Variants in BUB1B observed in about 807,000 individuals in gnomAD.
BUB1B encodes the protein mitotic checkpoint serine/threonine-protein kinase BUB1 beta.
In BUB1B, 86 loss-of-function variants were observed where a neutral mutation model predicts 137.7. The ratio of observed to expected loss-of-function variants is 0.62; its 90% confidence interval spans 0.52 to 0.75. BUB1B has a LOEUF of 0.75. Among genes scored for constraint, BUB1B ranks in the 30% least tolerant of loss-of-function variants. The pLI is 0.00. For missense variants in BUB1B, 1,130 were observed against 1,236.9 expected (o/e 0.91, Z 1.30); for synonymous variants, 420 against 417.9 (o/e 1.00, Z -0.06).
In BUB1B at chr15:40,170,568, C is replaced by G. The variant is rs765985399; in HGVS notation, c.271C>G (p.Gln91Glu). Residue 91 changes from glutamine (Q) to glutamate (E), a missense_variant, in exon 4 of 23, where the codon CAA (glutamine) becomes GAA (glutamate). Transcript: ENST00000287598. ...CAGCTGGACAGAGCAGAACTATCCT[C>G]AAGGTGGGAAGGAGAGTAATATGTC... is the stretch of plus-strand genomic sequence containing the variant. ...YISWTEQNYP[Q>E]GGKESNMSTL... is the part of the protein sequence containing the mutation. 2.5e-6 allele frequency: 4 copies of G among 1,613,510 alleles called. No homozygotes were observed. The Admixed American group carries it at 6.7e-5, about 27-fold the overall frequency.
At chr15:40,197,562 T>C (rs2037513481) in intron 9 of BUB1B, among the ~76,000 whole-genome samples, 1 of 152,204 alleles carries the variant, frequency 6.6e-6, no homozygotes, top group Non-Finnish European at 1.5e-5. Flanking sequence ...AATGTTTCTT[T>C]TATACATCCG....
intron 5 of BUB1B, 125 bp from the exon 6 acceptor site, chr15:40,183,589 T>G: frequency 1.2e-6 from 1 of 840,536 alleles, no homozygotes; most frequent in Middle Eastern, 2.6e-4. Flanking sequence ...AACATGTTCT[T>G]TGGGATATTT....
intron 5 of BUB1B, among the ~76,000 whole-genome samples, chr15:40,182,433 C>T (rs1287884522): frequency 6.6e-6 from 1 of 152,218 alleles, no homozygotes; most frequent in Non-Finnish European, 1.5e-5. Context: ...TAGACAACCA[C>T]ACTTCAGATA....
chr15:40,186,727 G>A (rs1032433563), intron 8 of BUB1B, among the ~76,000 whole-genome samples: 1 of 151,460 alleles, frequency 6.6e-6, no homozygotes, highest in Admixed American at 6.6e-5. Flanking sequence ...TTACAGGCGT[G>A]AGCCACTGCG....
In BUB1B at chr15:40,204,893, G is replaced by A. The variant is rs1300181297; in HGVS notation, c.1735-1291G>A. On this transcript the variant is annotated intron_variant, in intron 14 of 22. Transcript: ENST00000287598. ...TCAAGTGATCTTCCCACCTCAGCCT[G>A]CCTCCCAAAGTGTTGGGATTACAGG... 9.3e-5 allele frequency among the ~76,000 whole-genome samples: 14 copies of A among 150,262 alleles called. No homozygotes were observed. In the East Asian group the frequency reaches 2.7e-3, roughly 29 times the overall value.
At chr15:40,165,695 A>G (rs1045242517) in intron 2 of BUB1B, among the ~76,000 whole-genome samples, 1 of 152,182 alleles carries the variant, frequency 6.6e-6, no homozygotes, top group Non-Finnish European at 1.5e-5. Flanking sequence ...TCCTTTAACT[A>G]ATACATGTTT....
In BUB1B at chr15:40,183,882, G is replaced by A. The variant is rs1440328650; in HGVS notation, c.750G>A (p.Lys250=). The part of the protein sequence containing the change: ...APIIRVGGAL[K]APSQNRGLQN... Reference sequence around the variant, plus strand: ...TCATCCGTGTAGGAGGTGCTCTCAAGGGTAAGTTTGTTAAACGTTATTTCG... The same window carrying A: ...TCATCCGTGTAGGAGGTGCTCTCAAAGGTAAGTTTGTTAAACGTTATTTCG... Residue 250 remains lysine, a splice_region_variant and synonymous_variant, in exon 6 of 23, where the codon AAG becomes AAA. Transcript: ENST00000287598. 3 of 1,613,888 alleles carry A rather than the reference G, an allele frequency of 1.9e-6. No individual in the cohort carries two copies. Among genetic ancestry groups the A allele is most frequent in the East Asian group, 4.5e-5 (2 of 44,870 alleles).
At chr15:40,202,274 G>A (rs1037370328) in intron 12 of BUB1B, 131 bp from the exon 13 acceptor site, 5 of 753,430 alleles carry the variant, frequency 6.6e-6, no homozygotes, top group African/African-American at 5.3e-5. Context: ...TATGTTTGAA[G>A]CTTTTTGTTA....
chr15:40,174,918 C>G (rs573034398), intron 4 of BUB1B, among the ~76,000 whole-genome samples: 1 of 152,108 alleles, frequency 6.6e-6, no homozygotes, highest in African/African-American at 2.4e-5. Flanking sequence ...GAGGCGAGAT[C>G]GCGCCGCTGC....
intron 14 of BUB1B, among the ~76,000 whole-genome samples, chr15:40,203,466 G>T (rs1324588104): frequency 6.6e-6 from 1 of 152,132 alleles, no homozygotes; most frequent in East Asian, 1.9e-4. Context: ...AGATAGTGAT[G>T]ATGGTTGTAC....
rs1375386073 is a variant in BUB1B at position 40,207,216 on chromosome 15, AT to A, written c.2009+759del. Among the ~76,000 whole-genome samples the A allele has an allele frequency of 2.2e-4, 33 of 152,342 alleles. 1 individual carries two copies. The highest frequency in any genetic ancestry group is 7.9e-4 in the African/African-American group (33 of 41,592). The stretch of plus-strand genomic sequence containing the variant: ...TGGAATAGATATGAGGGAATGGCTT[AT>A]GGCCAGGGTCTGACACTTGTTTTAG... On this transcript the variant is annotated intron_variant, in intron 15 of 22. Coordinates refer to ENST00000287598, the MANE Select transcript of BUB1B (RefSeq NM_001211.6).
intron 16 of BUB1B, 29 bp downstream of exon 16, chr15:40,208,799 C>T (rs1024983037): frequency 1.3e-6 from 2 of 1,586,936 alleles, no homozygotes; most frequent in Non-Finnish European, 1.7e-6. Context: ...TATATCCATG[C>T]CTAGTGAACA....
chr15:40,171,233 A>T (rs1242761149), intron 4 of BUB1B, among the ~76,000 whole-genome samples: 2 of 152,144 alleles, frequency 1.3e-5, no homozygotes, highest in African/African-American at 4.8e-5. Flanking sequence ...CAACACCCCT[A>T]GTCCGGATTA....
At chr15:40,193,190 G>A (rs1371190484) in intron 8 of BUB1B, among the ~76,000 whole-genome samples, 1 of 152,146 alleles carries the variant, frequency 6.6e-6, no homozygotes, top group Non-Finnish European at 1.5e-5. Context: ...CATTTGGCTG[G>A]ATTGTATAAT....
chr15:40,195,609 C>T (rs969321682), intron 8 of BUB1B, among the ~76,000 whole-genome samples: 6 of 152,118 alleles, frequency 3.9e-5, no homozygotes, highest in African/African-American at 9.7e-5. Flanking sequence ...ACAGTGTAAA[C>T]GTGTTCCCGT....
chr15:40,188,416 G>A (rs1371948262), intron 8 of BUB1B, among the ~76,000 whole-genome samples: 2 of 151,888 alleles, frequency 1.3e-5, no homozygotes, highest in African/African-American at 4.8e-5. Context: ...TCTTTAGGTT[G>A]CGTTTTGCTT....
In BUB1B at chr15:40,220,714, G is replaced by A; in HGVS notation, c.3108G>A (p.Trp1036Ter). The A allele has an allele frequency of 6.2e-7, 1 of 1,614,200 alleles. No homozygotes were observed. Among genetic ancestry groups the A allele is most frequent in the Non-Finnish European group, 8.5e-7 (1 of 1,180,032 alleles). Reference sequence around the variant, plus strand: ...AAAGTCACCTGAACAAAGCCTTATGGAAGGTAGGGAAGTTAACTAGTCCTG... The same window carrying A: ...AAAGTCACCTGAACAAAGCCTTATGAAAGGTAGGGAAGTTAACTAGTCCTG... ...TFQSHLNKAL[W>*]KVGKLTSPGA... The change falls in exon 23 of 23, where the codon TGG (tryptophan) becomes TGA (stop). Residue 1036 changes from tryptophan (W) to a stop codon, truncating the protein, a stop_gained. Coordinates refer to ENST00000287598, the MANE Select transcript of BUB1B (RefSeq NM_001211.6). LOFTEE classifies it high-confidence loss of function.
intron 5 of BUB1B, among the ~76,000 whole-genome samples, chr15:40,179,086 T>C (rs1257832786): frequency 2.0e-5 from 3 of 152,178 alleles, no homozygotes; most frequent in African/African-American, 7.2e-5. Context: ...CTGGACATTT[T>C]AGTTAAATGG....
intron 19 of BUB1B, 133 bp downstream of exon 19, chr15:40,212,781 T>G (rs2037730734): frequency 1.1e-6 from 1 of 877,090 alleles, no homozygotes. Context: ...TTAGAAGCAT[T>G]GATAATTTTC....
Sources: gnomAD v4.1 joint callset for allele counts (sites outside exome capture counted in the v4.1 genomes callset) on GRCh38, gnomAD v4.1.1 for gene constraint, MANE v1.5 for transcripts, NCBI Gene and HGNC (gene_info 2026-07-23, HGNC 2026-07-21) for gene names.